Variants in DENND4C observed in about 807,000 individuals in gnomAD.
The protein encoded by DENND4C is DENN domain containing 4C, also known as DENN domain-containing protein 4C.
A neutral mutation model predicts 203.0 loss-of-function variants in DENND4C; 108 were observed. The observed-to-expected ratio is 0.53, with a 90% CI of 0.46 to 0.62. DENND4C has a LOEUF of 0.62. Ranked by LOEUF, DENND4C falls within the 20% of genes least tolerant of loss-of-function variation. The probability of loss-of-function intolerance (pLI) is 0.00; values close to 1 mark genes in which losing one functional copy is unlikely to be tolerated. For synonymous variants in DENND4C, 871 were observed against 792.4 expected (o/e 1.10, Z -1.67); for missense variants, 2,481 against 2,301.2 (o/e 1.08, Z -1.60).
chr9:19,309,764 A>G (rs1028072522), intron 10 of DENND4C, among the ~76,000 whole-genome samples: 21 of 151,824 alleles, frequency 1.4e-4, no homozygotes, highest in African/African-American at 5.1e-4. Flanking sequence ...TTGATATCGT[A>G]ATTGTATATA....
chr9:19,264,799 T>A (rs947318742), intron 1 of DENND4C, among the ~76,000 whole-genome samples: 1 of 152,124 alleles, frequency 6.6e-6, no homozygotes, highest in African/African-American at 2.4e-5. Context: ...TTTGATTTAT[T>A]TCTGCTGTGA....
rs936913392 is a variant in DENND4C, at chr9:19,258,770, T to C, written c.-17-17388T>C. 5.3e-5 allele frequency among the ~76,000 whole-genome samples: 8 copies of C among 152,216 alleles called. 1 individual carries two copies. Among genetic ancestry groups the C allele is most frequent in the African/African-American group, 1.9e-4 (8 of 41,528 alleles). On this transcript the variant is annotated intron_variant, in intron 1 of 32. Coordinates refer to ENST00000434457, the MANE Select transcript of DENND4C (RefSeq NM_001330640.2). ...TCTGGGTTCAGGAGATTCTCCTGCC[T>C]CAGCCTCCAGAGTAGCTGGGACTAC...
intron 7 of DENND4C, 120 bp from the exon 8 acceptor site, chr9:19,299,106 AATT>A: frequency 3.0e-6 from 2 of 673,396 alleles, no homozygotes; most frequent in Non-Finnish European, 2.4e-6. Flanking sequence ...TTGCATATTA[AATT>A]ATTAATGTTT....
At chr9:19,246,594 C>T (rs1450589210) in intron 1 of DENND4C, among the ~76,000 whole-genome samples, 1 of 150,858 alleles carries the variant, frequency 6.6e-6, no homozygotes, top group African/African-American at 2.4e-5. Context: ...TGTTTTTATT[C>T]TCTGCAGCGA....
Position 19,372,320 on chromosome 9 carries a change from A to AT in DENND4C, c.*148dup. 5 of 958,794 alleles carry AT rather than the reference A, an allele frequency of 5.2e-6. No individual in the cohort carries two copies. Among genetic ancestry groups the AT allele is most frequent in the Non-Finnish European group, 7.6e-6 (5 of 661,858 alleles). 59.4% of individuals were successfully genotyped at this position (958,794 alleles called of 1,614,324 possible). A position where few individuals can be genotyped will look rare whatever the true frequency, so the allele number is the denominator to read the frequency against. On this transcript the variant is annotated 3_prime_UTR_variant, in exon 33 of 33. Coordinates refer to ENST00000434457, the MANE Select transcript of DENND4C (RefSeq NM_001330640.2). ...GACAATATATAATGAATTATGATTCATATTGCATTACCTTGAAATATGAAG... is the reference window on the plus strand; with the variant it reads ...GACAATATATAATGAATTATGATTCATTATTGCATTACCTTGAAATATGAAG...
At position 19,366,112 on chromosome 9, in the gene DENND4C, A is replaced by C. The variant is rs147322201; in HGVS notation, c.5525-3725A>C. 7.2e-5 allele frequency among the ~76,000 whole-genome samples: 11 copies of C among 152,348 alleles called. No individual in the cohort carries two copies. The East Asian group carries it at 1.9e-3, about 27-fold the overall frequency. ...TGTTCAAGGGACTTAGAATCACGAAAACAATCTTGAAAAAGAACAGTGTTA... is the reference window on the plus strand; with the variant it reads ...TGTTCAAGGGACTTAGAATCACGAACACAATCTTGAAAAAGAACAGTGTTA... On this transcript the variant is annotated intron_variant, in intron 30 of 32. Transcript: ENST00000434457.
chr9:19,361,489 T>G (rs1361447611), intron 29 of DENND4C, among the ~76,000 whole-genome samples: 2 of 152,154 alleles, frequency 1.3e-5, no homozygotes, highest in Non-Finnish European at 2.9e-5. Flanking sequence ...AATCTTTCCT[T>G]AAAGTACTAT....
chr9:19,269,051 G>GGCTCTA (rs1831093269), intron 1 of DENND4C, among the ~76,000 whole-genome samples: 1 of 151,908 alleles, frequency 6.6e-6, no homozygotes, highest in African/African-American at 2.4e-5. Flanking sequence ...TTTTGTTAAG[G>GGCTCTA]CCCATAACTC....
At chr9:19,244,608 C>T (rs543938060) in intron 1 of DENND4C, among the ~76,000 whole-genome samples, 8 of 151,816 alleles carry the variant, frequency 5.3e-5, no homozygotes, top group Non-Finnish European at 2.9e-5. Context: ...GGCGTGGTTG[C>T]ACGTGACTGT....
intron 12 of DENND4C, among the ~76,000 whole-genome samples, chr9:19,319,239 GTATA>G (rs1040696740): frequency 7.0e-6 from 1 of 141,974 alleles, no homozygotes; most frequent in Non-Finnish European, 1.5e-5. Flanking sequence ...ATTTATATAT[GTATA>G]TATATAAACA....
chr9:19,299,821 T>C (rs1002822782), intron 8 of DENND4C, among the ~76,000 whole-genome samples: 10 of 152,238 alleles, frequency 6.6e-5, no homozygotes, highest in African/African-American at 2.4e-4. Context: ...CCCTTTCCCT[T>C]ACTATGCTTT....
At chr9:19,301,734 C>T (rs748281323) in intron 9 of DENND4C, among the ~76,000 whole-genome samples, 6 of 152,122 alleles carry the variant, frequency 3.9e-5, no homozygotes, top group South Asian at 2.1e-4. Context: ...GTCAAGAGAT[C>T]GAGACCATCC....
intron 5 of DENND4C, among the ~76,000 whole-genome samples, chr9:19,294,967 A>G (rs936732924): frequency 5.9e-5 from 9 of 152,224 alleles, no homozygotes; most frequent in African/African-American, 1.7e-4. Context: ...CTGGAAATGA[A>G]TAGTGCTACT....
At chr9:19,336,084 G>A (rs1341776116) in intron 18 of DENND4C, among the ~76,000 whole-genome samples, 186 bp from the exon 19 acceptor site, 2 of 151,484 alleles carry the variant, frequency 1.3e-5, no homozygotes, top group African/African-American at 4.9e-5. Context: ...ATATCTCATT[G>A]TAGTCTTAAT....
intron 6 of DENND4C, among the ~76,000 whole-genome samples, chr9:19,296,678 T>C (rs1320782753): frequency 6.6e-6 from 1 of 152,212 alleles, no homozygotes; most frequent in Non-Finnish European, 1.5e-5. Context: ...CCTGAATCAT[T>C]GACTGTGAGC....
chr9:19,302,110 A>C (rs978241756), intron 9 of DENND4C, among the ~76,000 whole-genome samples: 3 of 152,222 alleles, frequency 2.0e-5, no homozygotes, highest in Non-Finnish European at 2.9e-5. Context: ...AGAGTATATG[A>C]GGTTTATGCA....
intron 19 of DENND4C, 118 bp downstream of exon 19, chr9:19,336,532 T>C (rs1820513783): frequency 6.9e-7 from 1 of 1,439,878 alleles, no homozygotes; most frequent in African/African-American, 1.4e-5. Flanking sequence ...CACATACATT[T>C]AAAGACAGAT....
intron 1 of DENND4C, among the ~76,000 whole-genome samples, chr9:19,253,372 C>G (rs1564088741): frequency 6.6e-6 from 1 of 152,180 alleles, no homozygotes; most frequent in Non-Finnish European, 1.5e-5. Flanking sequence ...CTTTATAACC[C>G]TCTTATGTAT....
At chr9:19,332,612 G>A (rs1410132665) in intron 17 of DENND4C, among the ~76,000 whole-genome samples, 1 of 149,170 alleles carries the variant, frequency 6.7e-6, no homozygotes, top group Non-Finnish European at 1.5e-5. Context: ...TGATCTGCCT[G>A]CCTCAGCTTT....
Sources: gnomAD v4.1 joint callset for allele counts (sites outside exome capture counted in the v4.1 genomes callset) on GRCh38, gnomAD v4.1.1 for gene constraint, MANE v1.5 for transcripts, NCBI Gene and HGNC (gene_info 2026-07-23, HGNC 2026-07-21) for gene names.